The following BAG6 variants were observed in gnomAD, a reference collection of about 807,000 sequenced individuals.
BAG6 encodes BAG cochaperone 6, also known as large proline-rich protein BAG6.
Under a neutral mutation model 121.0 loss-of-function variants are expected in BAG6, and 22 were observed. The observed-to-expected ratio is 0.18, with a 90% confidence interval of 0.13 to 0.26. BAG6 has a LOEUF of 0.26. Among genes scored for constraint, BAG6 ranks in the 10% least tolerant of loss-of-function variants. BAG6 has a pLI of 1.00. For missense variants in BAG6, 1,233 were observed against 1,537.7 expected, an observed-to-expected ratio of 0.80 and a Z score of 3.31; for synonymous variants, 583 against 584.6, an observed-to-expected ratio of 1.00 and a Z score of 0.04.
At chr6:31,646,778 T>TG (rs1393666006) in intron 7 of BAG6, among the ~76,000 whole-genome samples, 2 of 131,340 alleles carry the variant, frequency 1.5e-5, no homozygotes, top group Non-Finnish European at 3.3e-5. Flanking sequence ...TTTTTTTTTT[T>TG]TTTTTTTTTT....
rs562746875 is a variant in BAG6, at chr6:31,645,298, C to T, written c.1117-100G>A. ...CTAAAGTATCTCCAGCCTTCATCAC[C>T]ATGTTTCCAGTCTCCTCCTTTCCTA... On this transcript the variant is annotated intron_variant, in intron 9 of 25. Coordinates refer to ENST00000676615, the MANE Select transcript of BAG6 (RefSeq NM_001387994.1). 6.3e-5 allele frequency: 101 copies of T among 1,605,826 alleles called. No homozygotes were observed. The African/African-American group carries it at 8.4e-4, about 13-fold the overall frequency.
intron 1 of BAG6, 104 bp downstream of exon 1, chr6:31,652,320 A>AACAAACACACAC (rs1554157169): frequency 8.2e-6 from 1 of 121,718 alleles, no homozygotes; most frequent in Non-Finnish European, 1.8e-5. Context: ...CCCACAGCCA[A>AACAAACACACAC]ACACACACAC....
intron 6 of BAG6, 56 bp from the exon 7 acceptor site, chr6:31,647,882 T>C: frequency 6.7e-7 from 1 of 1,497,476 alleles, no homozygotes; most frequent in Non-Finnish European, 8.9e-7. Context: ...CTGCAGAGGA[T>C]TACTCTACAG....
rs199876996 is a variant in BAG6 at position 31,644,184 on chromosome 6, C to A, written c.1566G>T (p.Val522=). The change falls in exon 13 of 26, where the codon GTG becomes GTT. Residue 522 remains valine (V), a synonymous_variant. Transcript: ENST00000676615. This position sits in a 1 kb window ranked among gnomAD's most constrained non-coding sequence, Gnocchi z 4.9. ...GGGTTGGAGCTGTTGGGAAGCCTGGCACCTGCTGTCCTGTGGGTGGCAGAA... is the reference window on the plus strand; with the variant it reads ...GGGTTGGAGCTGTTGGGAAGCCTGGAACCTGCTGTCCTGTGGGTGGCAGAA... ...AVASAAAGQQ[V]PGFPTAPTRV... The A allele has an allele frequency of 1.7e-5, 28 of 1,613,358 alleles. No homozygotes were observed. In the East Asian group the frequency reaches 5.1e-4, roughly 30 times the overall value.
chr6:31,640,953 G>A lies in BAG6; in HGVS notation c.2788-15C>T. On this transcript the variant is annotated splice_polypyrimidine_tract_variant and intron_variant, in intron 20 of 25. Transcript: ENST00000676615. The surrounding 1 kb of genome is among the most constrained non-coding windows in gnomAD (Gnocchi z 4.2). The stretch of plus-strand genomic sequence containing the variant: ...GACATACGACGCTGAGGGACAGAAA[G>A]CAGATTTAGAACACAAAACCCTCAA... 2 of 1,610,788 alleles carry A rather than the reference G, an allele frequency of 1.2e-6. No homozygotes were observed. The highest frequency in any genetic ancestry group is 1.1e-5 in the South Asian group (1 of 90,870).
intron 1 of BAG6, 87 bp downstream of exon 1, chr6:31,652,336 CA>C (rs1798023584): frequency 6.7e-6 from 1 of 149,648 alleles, no homozygotes; most frequent in African/African-American, 2.5e-5. Context: ...CACACACACA[CA>C]CACACACACA....
Position 31,649,265 on chromosome 6 carries a change from C to A in BAG6, c.357G>T (p.Gly119=), listed in dbSNP as rs1202671076. The change falls in exon 4 of 26, where the codon GGG becomes GGT. Residue 119 remains glycine, a synonymous_variant. Transcript: ENST00000676615. ...HGGGSPPGTR[G]PGASVHDRNA... ...TCCGGTCATGAACAGAGGCCCCAGG[C>A]CCCCGAGTACCAGGGGGGGATCCCC... The A allele has an allele frequency of 2.4e-5, 38 of 1,612,946 alleles. No individual in the cohort carries two copies. The highest frequency in any genetic ancestry group is 3.1e-5 in the Non-Finnish European group (36 of 1,180,018).
chr6:31,646,628 C>T, intron 7 of BAG6, 105 bp from the exon 8 acceptor site: 1 of 1,446,926 alleles, frequency 6.9e-7, no homozygotes, highest in Non-Finnish European at 9.3e-7. Flanking sequence ...TCTCCCAGAG[C>T]CCTGGCCCAA....
Position 31,645,600 on chromosome 6 carries a change from T to C in BAG6, c.923A>G (p.Glu308Gly). Residue 308 changes from glutamate to glycine, a missense_variant, in exon 9 of 26, where the codon GAG becomes GGG. By Grantham distance (98) the Glu-to-Gly change is moderately conservative. Coordinates refer to ENST00000676615, the MANE Select transcript of BAG6 (RefSeq NM_001387994.1). ...CAACCGCTGATCCTCCTCCCGGCCCTCGTGCTGCGCACAACCAGCCAAACA... is the reference window on the plus strand; with the variant it reads ...CAACCGCTGATCCTCCTCCCGGCCCCCGTGCTGCGCACAACCAGCCAAACA... ...AATTDYNNNH[E>G]GREEDQRLIN... 1 of 1,612,998 alleles carries C rather than the reference T, an allele frequency of 6.2e-7. No homozygotes were observed. The highest frequency in any genetic ancestry group is 8.5e-7 in the Non-Finnish European group (1 of 1,179,986).
At chr6:31,651,611 G>C in intron 2 of BAG6, 45 bp downstream of exon 2, 13 of 1,548,924 alleles carry the variant, frequency 8.4e-6, no homozygotes, top group Non-Finnish European at 1.2e-5. Context: ...GGGCCTAAAC[G>C]AGGAAAAGCT....
chr6:31,645,775 A>G (rs1788433487), intron 8 of BAG6, among the ~76,000 whole-genome samples, 171 bp from the exon 9 acceptor site: 1 of 152,258 alleles, frequency 6.6e-6, no homozygotes, highest in Admixed American at 6.5e-5. Flanking sequence ...TATCTTATTC[A>G]CATAAGGAAC....
In BAG6 at chr6:31,645,362, T is replaced by C. The variant is rs753272419; in HGVS notation, c.1116+45A>G. ...CCAGTAGCTACCCTGGGTCACTCTA[T>C]CAACACCCCTCACTCTCCCTCAGGC... On this transcript the variant is annotated intron_variant, in intron 9 of 25. Coordinates refer to ENST00000676615, the MANE Select transcript of BAG6 (RefSeq NM_001387994.1). 1.6e-5 allele frequency: 25 copies of C among 1,612,566 alleles called. 1 individual carries two copies. The Admixed American group carries it at 4.0e-4, about 26-fold the overall frequency.
Position 31,641,086 on chromosome 6 carries a change from G to C in BAG6, c.2787+18C>G. The C allele has an allele frequency of 6.2e-7, 1 of 1,612,824 alleles. No individual in the cohort carries two copies. The highest frequency in any genetic ancestry group is 8.5e-7 in the Non-Finnish European group (1 of 1,179,830). ...CAGGAAACAAAAGGCTAAGGATCTGGGGCTAGGTGGTGCTTACAATTCGGC... is the reference window on the plus strand; with the variant it reads ...CAGGAAACAAAAGGCTAAGGATCTGCGGCTAGGTGGTGCTTACAATTCGGC... On this transcript the variant is annotated intron_variant, in intron 20 of 25. Transcript: ENST00000676615. This position sits in a 1 kb window ranked among gnomAD's most constrained non-coding sequence, Gnocchi z 5.7.
chr6:31,650,481 G>A (rs1033305520), intron 2 of BAG6, among the ~76,000 whole-genome samples: 35 of 152,198 alleles, frequency 2.3e-4, no homozygotes, highest in East Asian at 1.7e-3. Flanking sequence ...GGCCAACACG[G>A]TAAAACCCTG....
rs911131771 is a variant in BAG6, at chr6:31,640,487, C to A, written c.3036G>T (p.Glu1012Asp). ...ASPAPGTTAE[E>D]AMSRGPPPAP... ...CAGGAGGTGGACCTCGGGACATGGC[C>A]TCTTCTGCTGTTGTTCCAGGGGCTG... The change falls in exon 23 of 26, where the codon GAG (glutamate) becomes GAT (aspartate). Residue 1012 changes from glutamate (E) to aspartate (D), a missense_variant. By Grantham distance (45) the Glu-to-Asp change is conservative. Around this residue, in one of 7 missense-constraint regions of BAG6, gnomAD observed 288 missense variants for 483.1 expected, o/e 0.60. Coordinates refer to ENST00000676615, the MANE Select transcript of BAG6 (RefSeq NM_001387994.1). The surrounding 1 kb of genome is among the most constrained non-coding windows in gnomAD (Gnocchi z 4.2). 2 of 1,613,002 alleles carry A rather than the reference C, an allele frequency of 1.2e-6. No homozygotes were observed. Among genetic ancestry groups the A allele is most frequent in the African/African-American group, 2.7e-5 (2 of 74,910 alleles).
Position 31,639,082 on chromosome 6 carries a change from A to G in BAG6, c.*49T>C. ...TTTTATTTCTTAAATACTGTGAAGG[A>G]AGAGGGGGGAAACGGTCCCCTGATG... is the stretch of plus-strand genomic sequence containing the variant. On this transcript the variant is annotated 3_prime_UTR_variant, in exon 26 of 26. Coordinates refer to ENST00000676615, the MANE Select transcript of BAG6 (RefSeq NM_001387994.1). 1 of 1,476,962 alleles carries G rather than the reference A, an allele frequency of 6.8e-7. No homozygotes were observed. Among genetic ancestry groups the G allele is most frequent in the Non-Finnish European group, 9.3e-7 (1 of 1,070,086 alleles). 91.5% of individuals were successfully genotyped at this position (1,476,962 alleles called of 1,614,324 possible).
chr6:31,644,754 C>A lies in BAG6; in HGVS notation c.1370-152G>T. The A allele has an allele frequency of 8.1e-7, 1 of 1,235,442 alleles. No homozygotes were observed. The highest frequency in any genetic ancestry group is 1.8e-5 in the Admixed American group (1 of 56,464). 76.5% of individuals were successfully genotyped at this position (1,235,442 alleles called of 1,614,324 possible). The stretch of plus-strand genomic sequence containing the variant: ...TAAACAGGGAGAGGTACTCCCTTCA[C>A]CACACAAACACACCTCCAAAGACAA... On this transcript the variant is annotated intron_variant, in intron 10 of 25. Coordinates refer to ENST00000676615, the MANE Select transcript of BAG6 (RefSeq NM_001387994.1). This position sits in a 1 kb window ranked among gnomAD's most constrained non-coding sequence, Gnocchi z 4.9.
chr6:31,640,322 G>C lies in BAG6; in HGVS notation c.3139-16C>G, dbSNP rs777840629. On this transcript the variant is annotated splice_polypyrimidine_tract_variant and intron_variant, in intron 23 of 25. Coordinates refer to ENST00000676615, the MANE Select transcript of BAG6 (RefSeq NM_001387994.1). This position sits in a 1 kb window ranked among gnomAD's most constrained non-coding sequence, Gnocchi z 4.2. ...GGACCCATTCCTGGGGAGGAAAAGA[G>C]AAAATAGTAATGTCCTTGACTTTCA... 3.7e-6 allele frequency: 6 copies of C among 1,614,088 alleles called. No homozygotes were observed. The African/African-American group carries it at 6.7e-5, about 18-fold the overall frequency.
rs146311335 is a variant in BAG6, at chr6:31,646,456, G to A, written c.856C>T (p.Pro286Ser). The change falls in exon 8 of 26, where the codon CCC (proline) becomes TCC (serine). Residue 286 changes from proline (P) to serine (S), a missense_variant. Pro to Ser is a moderately conservative substitution (Grantham distance 74). Coordinates refer to ENST00000676615, the MANE Select transcript of BAG6 (RefSeq NM_001387994.1). ...ACCTCGTAGTAGCGCTGCAAGAAGGGCTGGAGGCGACTCTCCAGCCGCTGT... is the reference window on the plus strand; with the variant it reads ...ACCTCGTAGTAGCGCTGCAAGAAGGACTGGAGGCGACTCTCCAGCCGCTGT... Reference protein sequence around the residue: ...ELQRLESRLQPFLQRYYEVLG... With the variant: ...ELQRLESRLQSFLQRYYEVLG... The A allele has an allele frequency of 6.2e-7, 1 of 1,612,820 alleles. No individual in the cohort carries two copies. Among genetic ancestry groups the A allele is most frequent in the African/African-American group, 1.3e-5 (1 of 74,892 alleles).
Sources: gnomAD v4.1 joint callset for allele counts (sites outside exome capture counted in the v4.1 genomes callset) on GRCh38, gnomAD v4.1.1 for gene constraint, gnomAD v4.1.1 regional missense constraint, Gnocchi (gnomAD v3.1) non-coding constraint, MANE v1.5 for transcripts, NCBI Gene and HGNC (gene_info 2026-07-23, HGNC 2026-07-21) for gene names.